The following FGF12 variants were observed in gnomAD, a reference collection of about 807,000 sequenced individuals.
The protein encoded by FGF12 is fibroblast growth factor 12B.
In FGF12, 14 loss-of-function variants were observed where a neutral mutation model predicts 23.6. The ratio of observed to expected loss-of-function variants is 0.59; its 90% confidence interval spans 0.39 to 0.93. FGF12 has a LOEUF of 0.93. Among genes scored for constraint, FGF12 ranks in the 40% least tolerant of loss-of-function variants. FGF12 has a pLI of 0.00. For missense variants in FGF12, 175 were observed against 217.8 expected, an observed-to-expected ratio of 0.80 and a Z score of 1.24; for synonymous variants, 62 against 77.3, an observed-to-expected ratio of 0.80 and a Z score of 1.04.
chr3:192,262,585 C>G (rs1234006207), intron 4 of FGF12, among the ~76,000 whole-genome samples: 1 of 152,118 alleles, frequency 6.6e-6, no homozygotes, highest in Non-Finnish European at 1.5e-5. Flanking sequence ...CACTACGTTA[C>G]AACTGCCTAC....
chr3:192,256,448 C>T (rs1406282788), intron 4 of FGF12, among the ~76,000 whole-genome samples: 2 of 151,410 alleles, frequency 1.3e-5, no homozygotes, highest in African/African-American at 4.8e-5. Flanking sequence ...TTTATGTTTA[C>T]TTATAAATAT....
intron 4 of FGF12, among the ~76,000 whole-genome samples, chr3:192,278,837 A>G (rs1577313355): frequency 6.6e-6 from 1 of 152,228 alleles, no homozygotes; most frequent in Non-Finnish European, 1.5e-5. Context: ...TGAAGTACCA[A>G]TCAAGTAACA....
chr3:192,552,148 G>A (rs1846957), intron 2 of FGF12, among the ~76,000 whole-genome samples: 104,135 of 151,880 alleles, frequency 0.69, 35,822 homozygotes, highest in Middle Eastern at 0.79. Context: ...TTCACTAGAT[G>A]GGCTGAACAG....
chr3:192,474,123 T>A (rs1723249529), intron 2 of FGF12, among the ~76,000 whole-genome samples: 1 of 152,264 alleles, frequency 6.6e-6, no homozygotes, highest in Non-Finnish European at 1.5e-5. Context: ...AAGAATGATA[T>A]CATATTGCCT....
Position 192,141,988 on chromosome 3 carries a change from G to T in FGF12, c.*2021C>A, listed in dbSNP as rs1044525723. The T allele has an allele frequency of 9.2e-5, 14 of 151,992 alleles. No individual in the cohort carries two copies. The highest frequency in any genetic ancestry group is 3.2e-4 in the African/African-American group (13 of 41,254). 9.4% of individuals were successfully genotyped at this position (151,992 alleles called of 1,614,324 possible). On this transcript the variant is annotated 3_prime_UTR_variant, in exon 6 of 6. Transcript: ENST00000445105. ...TTTATAATCAAGTTGAATCAAGAGT[G>T]ACAAGAAGAAATACAGCTAGAGTTA... is the stretch of plus-strand genomic sequence containing the variant.
At chr3:192,211,450 A>G (rs1316851185) in intron 4 of FGF12, among the ~76,000 whole-genome samples, 3 of 151,956 alleles carry the variant, frequency 2.0e-5, no homozygotes, top group Non-Finnish European at 4.4e-5. Context: ...TTTGAGACGG[A>G]CCCTCGCTCT....
intron 2 of FGF12, among the ~76,000 whole-genome samples, chr3:192,395,077 C>A (rs1006776380): frequency 2.0e-5 from 3 of 152,158 alleles, no homozygotes; most frequent in African/African-American, 2.4e-5. Flanking sequence ...CCTCATTAAC[C>A]TAACGTTAAG....
In FGF12 at chr3:192,403,545, C is replaced by T. The variant is rs530361377; in HGVS notation, c.14-43007G>A. On this transcript the variant is annotated intron_variant, in intron 2 of 5. Transcript: ENST00000445105. ...GGTTTCTGAAAAGTTAGGGGTCTTA[C>T]TGTTTTTTTTTTTTTAACAAAAATC... is the stretch of plus-strand genomic sequence containing the variant. Among the ~76,000 whole-genome samples the T allele has an allele frequency of 7.0e-3, 671 of 95,370 alleles. 4 individuals are homozygous for T. Among genetic ancestry groups the T allele is most frequent in the African/African-American group, 0.028 (627 of 22,106 alleles). 62.6% of individuals were successfully genotyped at this position (95,370 alleles called of 152,430 possible). A position where few individuals can be genotyped will look rare whatever the true frequency, so the allele number is the denominator to read the frequency against.
chr3:192,630,208 A>C (rs1351385539), intron 2 of FGF12, among the ~76,000 whole-genome samples: 1 of 152,074 alleles, frequency 6.6e-6, no homozygotes, highest in Non-Finnish European at 1.5e-5. Context: ...CCATCATTGT[A>C]AGTTTCCTGG....
intron 4 of FGF12, among the ~76,000 whole-genome samples, chr3:192,320,415 A>G (rs1716474765): frequency 6.6e-6 from 1 of 152,238 alleles, no homozygotes; most frequent in South Asian, 2.1e-4. Flanking sequence ...GATCATCCAG[A>G]CAGAAAATCA....
At chr3:192,457,947 T>A (rs1722731313) in intron 2 of FGF12, among the ~76,000 whole-genome samples, 1 of 152,198 alleles carries the variant, frequency 6.6e-6, no homozygotes, top group Non-Finnish European at 1.5e-5. Context: ...TGGTGCCCTC[T>A]GTCGCAGCCA....
At position 192,210,406 on chromosome 3, in the gene FGF12, T is replaced by C. The variant is rs571071741; in HGVS notation, c.229-39750A>G. On this transcript the variant is annotated intron_variant, in intron 4 of 5. Coordinates refer to ENST00000445105, the MANE Select transcript of FGF12 (RefSeq NM_004113.6). Reference sequence around the variant, plus strand: ...ACACAAGAAAAAAGCCAGATAATTCTTGGAGCTCACACAGAGCCAAGAGTA... The same window carrying C: ...ACACAAGAAAAAAGCCAGATAATTCCTGGAGCTCACACAGAGCCAAGAGTA... 7.9e-5 allele frequency among the ~76,000 whole-genome samples: 12 copies of C among 152,322 alleles called. No homozygotes were observed. In the South Asian group the frequency reaches 2.5e-3, roughly 32 times the overall value.
intron 5 of FGF12, among the ~76,000 whole-genome samples, chr3:192,167,731 G>GCATATATATATATATA (rs1715249845): frequency 8.0e-5 from 2 of 25,044 alleles, no homozygotes; most frequent in Non-Finnish European, 1.2e-4. Context: ...TAGGTTATAG[G>GCATATATATATATATA]TATATATATA....
chr3:192,444,652 GC>G (rs1722298004), intron 2 of FGF12, among the ~76,000 whole-genome samples: 1 of 152,158 alleles, frequency 6.6e-6, no homozygotes, highest in African/African-American at 2.4e-5. Context: ...CACCATCACA[GC>G]CCTGCTTGCT....
At position 192,360,838 on chromosome 3, in the gene FGF12, G is replaced by A. The variant is rs1002199362; in HGVS notation, c.14-300C>T. On this transcript the variant is annotated intron_variant, in intron 2 of 5. Transcript: ENST00000445105. The surrounding 1 kb of genome is among the most constrained non-coding windows in gnomAD (Gnocchi z 4.3). ...TTCCTCCTTTGTGCATCTGGTGTCTGACTGCAAGATTTCACCAACTTTATA... is the reference window on the plus strand; with the variant it reads ...TTCCTCCTTTGTGCATCTGGTGTCTAACTGCAAGATTTCACCAACTTTATA... 11 of 354,524 alleles carry A rather than the reference G, an allele frequency of 3.1e-5. No homozygotes were observed. Among genetic ancestry groups the A allele is most frequent in the African/African-American group, 2.3e-4 (11 of 47,384 alleles). The allele number at this position is 354,524 out of a possible 1,614,324, so 22.0% of individuals were successfully genotyped here.
At chr3:192,389,695 T>G (rs1720212106) in intron 2 of FGF12, among the ~76,000 whole-genome samples, 1 of 152,240 alleles carries the variant, frequency 6.6e-6, no homozygotes, top group South Asian at 2.1e-4. Context: ...TATTAAGTAT[T>G]AGACCCACTT....
intron 2 of FGF12, among the ~76,000 whole-genome samples, chr3:192,376,596 A>C (rs200768974): frequency 1.3e-5 from 2 of 152,250 alleles, no homozygotes; most frequent in East Asian, 3.9e-4. Context: ...TCCCGGCCTC[A>C]GGTGATCTGC....
intron 2 of FGF12, among the ~76,000 whole-genome samples, chr3:192,567,215 T>G (rs767678890): frequency 2.6e-5 from 4 of 152,130 alleles, no homozygotes; most frequent in Non-Finnish European, 4.4e-5. Context: ...TTTTAGGATA[T>G]GATCTGGGGA....
At chr3:192,644,282 T>C (rs1164866384) in intron 2 of FGF12, among the ~76,000 whole-genome samples, 1 of 152,222 alleles carries the variant, frequency 6.6e-6, no homozygotes, top group Non-Finnish European at 1.5e-5. Flanking sequence ...AGTCCTGGAT[T>C]CTTGTATGAA....
Sources: gnomAD v4.1 joint callset for allele counts (sites outside exome capture counted in the v4.1 genomes callset) on GRCh38, gnomAD v4.1.1 for gene constraint, Gnocchi (gnomAD v3.1) non-coding constraint, MANE v1.5 for transcripts, NCBI Gene and HGNC (gene_info 2026-07-23, HGNC 2026-07-21) for gene names.